The following NUP205 variants were observed in gnomAD, a reference collection of about 807,000 sequenced individuals.
NUP205 encodes nuclear pore complex protein Nup205.
Under a neutral mutation model 253.8 loss-of-function variants are expected in NUP205, and 76 were observed. The ratio of observed to expected loss-of-function variants is 0.30; its 90% CI spans 0.25 to 0.36. The LOEUF (loss-of-function observed/expected upper bound fraction) is 0.36. NUP205 is among the 10% of genes least tolerant of loss of function. NUP205 has a pLI of 1.00. For missense variants in NUP205, 2,162 were observed against 2,425.5 expected, an observed-to-expected ratio of 0.89 and a Z score of 2.28; for synonymous variants, 832 against 850.1, an observed-to-expected ratio of 0.98 and a Z score of 0.37.
chr7:135,614,024 CTGTT>C, intron 22 of NUP205, 131 bp from the exon 23 acceptor site: 1 of 532,610 alleles, frequency 1.9e-6, no homozygotes, highest in Non-Finnish European at 3.4e-6. Flanking sequence ...TTTTGTGCAT[CTGTT>C]TGTCCATTTT....
At chr7:135,595,029 G>T (rs12531605) in intron 13 of NUP205, among the ~76,000 whole-genome samples, 5,165 of 152,162 alleles carry the variant, frequency 0.034, 118 homozygotes, top group Middle Eastern at 0.1. Context: ...TGTCCACTCT[G>T]TCTTTAAACC....
chr7:135,588,867 A>G (rs998032861), intron 10 of NUP205, among the ~76,000 whole-genome samples: 1 of 151,374 alleles, frequency 6.6e-6, no homozygotes, highest in East Asian at 1.9e-4. Context: ...TGTATTAACT[A>G]AAGTATGATG....
intron 2 of NUP205, among the ~76,000 whole-genome samples, chr7:135,571,560 T>G (rs1407333741): frequency 6.6e-6 from 1 of 151,978 alleles, no homozygotes; most frequent in Non-Finnish European, 1.5e-5. Context: ...CTTAAAAACT[T>G]TTTTTAATTT....
At position 135,600,870 on chromosome 7, in the gene NUP205, T is replaced by C; in HGVS notation, c.2275T>C (p.Trp759Arg). 2 of 1,591,042 alleles carry C rather than the reference T, an allele frequency of 1.3e-6. No individual in the cohort carries two copies. The highest frequency in any genetic ancestry group is 2.2e-5 in the East Asian group (1 of 44,590). Residue 759 changes from tryptophan (W) to arginine (R), a missense_variant and splice_region_variant, in exon 16 of 43, where the codon TGG becomes CGG. Trp to Arg is a moderately radical substitution (Grantham distance 101, BLOSUM62 -3). Coordinates refer to ENST00000285968, the MANE Select transcript of NUP205 (RefSeq NM_015135.3). ...TRAYRRAAEK[W>R]EVAEVVLEVF... ...TTGACCTATTTATATCTTTCTATAG[T>C]GGGAAGTTGCTGAGGTGGTTTTGGA...
At chr7:135,557,996 C>T (rs757318286) in intron 1 of NUP205, 24 bp downstream of exon 1, 48 of 1,602,658 alleles carry the variant, frequency 3.0e-5, no homozygotes, top group African/African-American at 6.7e-5. Flanking sequence ...GACAGAAAGA[C>T]GATTGAGCTG....
chr7:135,560,623 A>G (rs1358134658), intron 1 of NUP205, among the ~76,000 whole-genome samples: 1 of 152,228 alleles, frequency 6.6e-6, no homozygotes, highest in Non-Finnish European at 1.5e-5. Context: ...GTATACATGC[A>G]TATATATAGT....
chr7:135,568,563 G>A (rs1462919077), intron 1 of NUP205, among the ~76,000 whole-genome samples: 3 of 151,924 alleles, frequency 2.0e-5, no homozygotes, highest in Non-Finnish European at 1.5e-5. Flanking sequence ...CGAACTCCTA[G>A]CCTCAAGTGA....
chr7:135,633,485 TGGCA>T (rs1434875706), intron 35 of NUP205, among the ~76,000 whole-genome samples: 1 of 152,240 alleles, frequency 6.6e-6, no homozygotes, highest in Non-Finnish European at 1.5e-5. Flanking sequence ...TTAAACAGTG[TGGCA>T]TTTAATAATT....
intron 35 of NUP205, among the ~76,000 whole-genome samples, chr7:135,631,735 TTTTTC>T (rs1296490289): frequency 4.1e-5 from 6 of 147,730 alleles, no homozygotes; most frequent in Non-Finnish European, 7.4e-5. Context: ...GGTATTTTTT[TTTTTC>T]TTTCTTTCTT....
intron 39 of NUP205, among the ~76,000 whole-genome samples, chr7:135,644,204 A>G (rs187412839): frequency 2.0e-5 from 3 of 152,324 alleles, no homozygotes; most frequent in East Asian, 3.9e-4. Flanking sequence ...ACCCAAAGGC[A>G]TGTAGCTGGC....
Position 135,632,526 on chromosome 7 carries a change from T to C in NUP205, c.5059+2056T>C, listed in dbSNP as rs556338201. Among the ~76,000 whole-genome samples the C allele has an allele frequency of 2.6e-5, 4 of 152,204 alleles. No homozygotes were observed. The South Asian group carries it at 8.3e-4, about 32-fold the overall frequency. ...TCCACCCTATAATCCCCAATAATTT[T>C]TTTTGTCTGGGCTGTCTCGGTGGCT... On this transcript the variant is annotated intron_variant, in intron 35 of 42. Coordinates refer to ENST00000285968, the MANE Select transcript of NUP205 (RefSeq NM_015135.3).
intron 22 of NUP205, among the ~76,000 whole-genome samples, chr7:135,607,725 A>G (rs963964613): frequency 6.6e-6 from 1 of 152,228 alleles, no homozygotes; most frequent in African/African-American, 2.4e-5. Context: ...CACCTTGGGC[A>G]TGGCATGAAA....
chr7:135,578,514 A>G (rs1442708109), intron 6 of NUP205, among the ~76,000 whole-genome samples: 1 of 152,226 alleles, frequency 6.6e-6, no homozygotes, highest in Non-Finnish European at 1.5e-5. Context: ...GTACACTTAT[A>G]AAAATGACTG....
chr7:135,598,517 C>G (rs1388228351), intron 15 of NUP205, among the ~76,000 whole-genome samples: 2 of 152,184 alleles, frequency 1.3e-5, no homozygotes, highest in Non-Finnish European at 2.9e-5. Context: ...CACACTACTA[C>G]TGCTTATTGG....
Position 135,606,924 on chromosome 7 carries a change from T to C in NUP205, c.3070+9T>C. The C allele has an allele frequency of 6.2e-7, 1 of 1,611,348 alleles. No individual in the cohort carries two copies. The highest frequency in any genetic ancestry group is 2.2e-5 in the East Asian group (1 of 44,834). On this transcript the variant is annotated intron_variant, in intron 21 of 42. Transcript: ENST00000285968. ...AAACCTACAAGATCCAGGTATAGCC[T>C]AAGACATAAAGGCATTTCTTTCCTT...
At chr7:135,585,744 G>A (rs1306472720) in intron 8 of NUP205, among the ~76,000 whole-genome samples, 1 of 151,996 alleles carries the variant, frequency 6.6e-6, no homozygotes, top group Admixed American at 6.6e-5. Flanking sequence ...TTAGAATGGG[G>A]TTTCACCATA....
At chr7:135,570,050 T>TAGAG (rs768445558) in intron 1 of NUP205, among the ~76,000 whole-genome samples, 260 of 88,880 alleles carry the variant, frequency 2.9e-3, no homozygotes, top group African/African-American at 6.2e-3. Flanking sequence ...TATATATATA[T>TAGAG]ATAGAGAGAG....
At position 135,606,152 on chromosome 7, in the gene NUP205, G is replaced by C; in HGVS notation, c.2831G>C (p.Ser944Thr). ...VGDFTHDQSI[S>T]QKLMAGFVEC... Reference sequence around the variant, plus strand: ...ACCTTCATGTTACTTCAGAGTATAAGTCAGAAACTAATGGCTGGATTTGTG... The same window carrying C: ...ACCTTCATGTTACTTCAGAGTATAACTCAGAAACTAATGGCTGGATTTGTG... The change falls in exon 20 of 43, where the codon AGT becomes ACT. Residue 944 changes from serine (S) to threonine (T), a missense_variant. Ser to Thr is a moderately conservative substitution (Grantham distance 58, BLOSUM62 1). Transcript: ENST00000285968. The C allele has an allele frequency of 6.2e-7, 1 of 1,609,990 alleles. No homozygotes were observed. The highest frequency in any genetic ancestry group is 8.5e-7 in the Non-Finnish European group (1 of 1,176,634).
At position 135,574,134 on chromosome 7, in the gene NUP205, G is replaced by A. The variant is rs569255707; in HGVS notation, c.343+309G>A. On this transcript the variant is annotated intron_variant, in intron 3 of 42. Transcript: ENST00000285968. ...ATTACAGGCATGTGCCACCATGCCC[G>A]GCTATCCTTTCTTAACCTTTGATTG... 2.9e-3 allele frequency among the ~76,000 whole-genome samples: 434 copies of A among 152,042 alleles called. 1 individual carries two copies. Among genetic ancestry groups the A allele is most frequent in the Non-Finnish European group, 4.7e-3 (319 of 67,986 alleles).
Sources: allele counts gnomAD v4.1 joint callset (sites outside exome capture counted in the v4.1 genomes callset), GRCh38; gene constraint gnomAD v4.1.1; transcripts MANE v1.5; gene names NCBI Gene and HGNC (gene_info 2026-07-23, HGNC 2026-07-21).